Variants in APBA1 observed in about 807,000 individuals in gnomAD.
APBA1 encodes the protein amyloid beta precursor protein binding family A member 1, also known as amyloid-beta A4 precursor protein-binding family A member 1.
A neutral mutation model predicts 86.6 loss-of-function variants in APBA1; 55 were observed. The ratio of observed to expected loss-of-function variants is 0.64; its 90% CI spans 0.51 to 0.80. The LOEUF (loss-of-function observed/expected upper bound fraction) is 0.80. Among genes scored for constraint, APBA1 ranks in the 30% least tolerant of loss-of-function variants. APBA1 has a pLI of 0.00. For synonymous variants in APBA1, 511 were observed against 493.9 expected (o/e 1.03, Z -0.46); for missense variants, 1,090 against 1,183.0 (o/e 0.92, Z 1.15).
At chr9:69,579,493 A>G (rs1007868594) in intron 1 of APBA1, among the ~76,000 whole-genome samples, 1 of 152,188 alleles carries the variant, frequency 6.6e-6, no homozygotes, top group Non-Finnish European at 1.5e-5. Flanking sequence ...CAGGAGCTAC[A>G]TTTTATATTC....
chr9:69,458,130 AG>A, intron 6 of APBA1, 25 bp downstream of exon 6: 1 of 1,597,896 alleles, frequency 6.3e-7, no homozygotes, highest in African/African-American at 1.3e-5. Flanking sequence ...CATAACACCA[AG>A]CTGATGAAGT....
chr9:69,530,022 T>G (rs1836400483), intron 1 of APBA1, among the ~76,000 whole-genome samples: 1 of 152,062 alleles, frequency 6.6e-6, no homozygotes, highest in Admixed American at 6.5e-5. Context: ...TAGGCGTGGA[T>G]GTGGAGACAA....
At chr9:69,628,005 T>A (rs1392512162) in intron 1 of APBA1, among the ~76,000 whole-genome samples, 1 of 152,094 alleles carries the variant, frequency 6.6e-6, no homozygotes, top group East Asian at 1.9e-4. Flanking sequence ...CTGTGACTTG[T>A]TTCTAATCAA....
At chr9:69,503,291 C>A (rs578138278) in intron 2 of APBA1, among the ~76,000 whole-genome samples, 2 of 152,222 alleles carry the variant, frequency 1.3e-5, no homozygotes, top group African/African-American at 4.8e-5. Flanking sequence ...CAAACGATAT[C>A]ATGCAGTTTA....
In APBA1 at chr9:69,593,393, GTGTCATATTTCACT is replaced by G. The variant is rs1160459357; in HGVS notation, c.-69-76128_-69-76115del. ...GTTGCTTTGACAGGAAAAAGGCAATGTGTCATATTTCACTTGCTTAGACCTCCTCCAATCATAAC... is the reference window on the plus strand; with the variant it reads ...GTTGCTTTGACAGGAAAAAGGCAATGTGCTTAGACCTCCTCCAATCATAAC... On this transcript the variant is annotated intron_variant, in intron 1 of 12. Transcript: ENST00000265381. Among the ~76,000 whole-genome samples, 3 of 152,182 alleles carry G rather than the reference GTGTCATATTTCACT, an allele frequency of 2.0e-5. No individual in the cohort carries two copies. In the East Asian group the frequency reaches 5.8e-4, roughly 29 times the overall value.
At chr9:69,597,779 G>A (rs149065489) in intron 1 of APBA1, among the ~76,000 whole-genome samples, 13,882 of 152,090 alleles carry the variant, frequency 0.091, 683 homozygotes, top group Non-Finnish European at 0.11. Context: ...AATCCTTTCC[G>A]CATTGCTTGT....
intron 2 of APBA1, among the ~76,000 whole-genome samples, chr9:69,515,697 G>A (rs966098217): frequency 1.6e-5 from 2 of 125,318 alleles, no homozygotes; most frequent in Non-Finnish European, 3.5e-5. Context: ...AACTGGGGGG[G>A]GGGGGGGCGG....
intron 1 of APBA1, among the ~76,000 whole-genome samples, chr9:69,538,213 GC>G: frequency 6.6e-6 from 1 of 152,336 alleles, no homozygotes; most frequent in African/African-American, 2.4e-5. Flanking sequence ...ATCAATTTAA[GC>G]AATTTGGGGA....
At chr9:69,544,328 C>A (rs1174417281) in intron 1 of APBA1, among the ~76,000 whole-genome samples, 2 of 152,152 alleles carry the variant, frequency 1.3e-5, no homozygotes, top group African/African-American at 4.8e-5. Context: ...TCTTTGATGG[C>A]TGAGTTTCTG....
intron 1 of APBA1, among the ~76,000 whole-genome samples, chr9:69,658,228 CTTTCTTTCTT>C (rs1564104716): frequency 6.7e-3 from 102 of 15,124 alleles, no homozygotes; most frequent in African/African-American, 8.6e-3. Context: ...TTCTCTCTTT[CTTTCTTTCTT>C]TCTTTCTTTC....
chr9:69,498,549 G>A (rs182317225), intron 2 of APBA1, among the ~76,000 whole-genome samples: 1 of 152,120 alleles, frequency 6.6e-6, no homozygotes, highest in Non-Finnish European at 1.5e-5. Context: ...TGAAGGTCTC[G>A]CTTGGGGCTT....
At chr9:69,665,056 C>G (rs966112230) in intron 1 of APBA1, among the ~76,000 whole-genome samples, 3 of 152,218 alleles carry the variant, frequency 2.0e-5, no homozygotes, top group African/African-American at 7.2e-5. Flanking sequence ...CTCTGCCTCT[C>G]TGCTTCTCTG....
chr9:69,444,070 C>T (rs1834868567), intron 10 of APBA1, among the ~76,000 whole-genome samples: 1 of 152,074 alleles, frequency 6.6e-6, no homozygotes, highest in African/African-American at 2.4e-5. Flanking sequence ...CTCAATTTCC[C>T]CGCCGTCAGC....
At chr9:69,451,546 G>A (rs1013025042) in intron 9 of APBA1, among the ~76,000 whole-genome samples, 3 of 152,178 alleles carry the variant, frequency 2.0e-5, no homozygotes, top group Admixed American at 2.0e-4. Context: ...CTAGACAAAT[G>A]TGGAGCTTTC....
chr9:69,515,793 C>T (rs577515990), intron 2 of APBA1, among the ~76,000 whole-genome samples: 20 of 151,504 alleles, frequency 1.3e-4, no homozygotes, highest in African/African-American at 4.6e-4. Flanking sequence ...GGCCATCCTG[C>T]TAAGAATCTG....
chr9:69,623,822 G>A (rs1424119871), intron 1 of APBA1, among the ~76,000 whole-genome samples: 5 of 152,160 alleles, frequency 3.3e-5, no homozygotes, highest in Non-Finnish European at 5.9e-5. Flanking sequence ...AAAACTGGTG[G>A]ATTGCTTGTT....
intron 1 of APBA1, among the ~76,000 whole-genome samples, chr9:69,534,746 C>T (rs562891992): frequency 6.6e-6 from 1 of 152,218 alleles, no homozygotes; most frequent in South Asian, 2.1e-4. Flanking sequence ...TTCTGTTTCT[C>T]TTCTAGGGGC....
At chr9:69,434,865 T>C (rs1344488034) in intron 11 of APBA1, among the ~76,000 whole-genome samples, 2 of 151,966 alleles carry the variant, frequency 1.3e-5, no homozygotes, top group Non-Finnish European at 2.9e-5. Context: ...TACATATGTA[T>C]ACATGTGCCA....
At chr9:69,520,021 T>C (rs1836227109) in intron 1 of APBA1, among the ~76,000 whole-genome samples, 1 of 152,200 alleles carries the variant, frequency 6.6e-6, no homozygotes, top group Non-Finnish European at 1.5e-5. Flanking sequence ...TATACCCCCA[T>C]CCACAGACCT....
Sources: allele counts gnomAD v4.1 joint callset (sites outside exome capture counted in the v4.1 genomes callset), GRCh38; gene constraint gnomAD v4.1.1; transcripts MANE v1.5; gene names NCBI Gene and HGNC (gene_info 2026-07-23, HGNC 2026-07-21).